VTCN1: variants seen among roughly 807,000 people sequenced by gnomAD.
VTCN1 encodes V-set domain-containing T-cell activation inhibitor 1.
In VTCN1, 26 loss-of-function variants were observed where a neutral mutation model predicts 26.5. The ratio of observed to expected loss-of-function variants is 0.98; its 90% confidence interval spans 0.72 to 1.36. VTCN1 has a LOEUF of 1.36. Among genes scored for constraint, VTCN1 ranks in the 40% most tolerant of loss-of-function variants. VTCN1 has a pLI of 0.00. For synonymous variants in VTCN1, 116 were observed against 130.7 expected (o/e 0.89, Z 0.77); for missense variants, 298 against 337.7 (o/e 0.88, Z 0.92).
In VTCN1 at chr1:117,183,945, G is replaced by T. The variant is rs1350316105; in HGVS notation, c.33-13774C>A. ...GGGCGCAATGGCTATGCATTCCAGG[G>T]ACCAAAAGCTTCTGTCTTCAGAGCC... On this transcript the variant is annotated intron_variant, in intron 1 of 5. Transcript: ENST00000369458. The surrounding 1 kb of genome is among the most constrained non-coding windows in gnomAD (Gnocchi z 4.1). Among the ~76,000 whole-genome samples, 3 of 152,034 alleles carry T rather than the reference G, an allele frequency of 2.0e-5. No individual in the cohort carries two copies. The South Asian group carries it at 6.2e-4, about 32-fold the overall frequency.
chr1:117,186,715 T>C (rs947088810), intron 1 of VTCN1, among the ~76,000 whole-genome samples: 4 of 152,124 alleles, frequency 2.6e-5, no homozygotes, highest in Admixed American at 2.0e-4. Context: ...CATGAAGCCA[T>C]GGGCACTGTA....
chr1:117,209,012 C>A (rs558552246), intron 1 of VTCN1, among the ~76,000 whole-genome samples: 14 of 152,176 alleles, frequency 9.2e-5, no homozygotes, highest in African/African-American at 3.4e-4. Flanking sequence ...CACCTGCATC[C>A]CTGAGATGAG....
At chr1:117,173,391 A>ACAT in intron 1 of VTCN1, 1 of 320,244 alleles carries the variant, frequency 3.1e-6, no homozygotes. Context: ...CACACACACA[A>ACAT]CACCATGTAA....
At position 117,147,362 on chromosome 1, in the gene VTCN1, C is replaced by T. The variant is rs900691745; in HGVS notation, c.*45+251G>A. 6.6e-6 allele frequency among the ~76,000 whole-genome samples: 1 copy of T among 152,122 alleles called. No homozygotes were observed. Among genetic ancestry groups the T allele is most frequent in the African/African-American group, 2.4e-5 (1 of 41,420 alleles). On this transcript the variant is annotated intron_variant, in intron 5 of 5. Coordinates refer to ENST00000369458, the MANE Select transcript of VTCN1 (RefSeq NM_024626.4). The surrounding 1 kb of genome is among the most constrained non-coding windows in gnomAD (Gnocchi z 4.6). ...TTTGCCTTCATTGATGACTGAGTAA[C>T]TTAAAAGGTATTTGAATTTACATAA...
intron 1 of VTCN1, among the ~76,000 whole-genome samples, chr1:117,202,894 G>A (rs1337059634): frequency 1.3e-5 from 2 of 152,192 alleles, no homozygotes; most frequent in Non-Finnish European, 2.9e-5. Flanking sequence ...AGAGAGATGG[G>A]GTGGGTAGCT....
intron 3 of VTCN1, among the ~76,000 whole-genome samples, chr1:117,154,783 C>CAAAAAAAAAAAAAAAAAAAAA (rs916361996): frequency 5.0e-5 from 2 of 39,896 alleles, no homozygotes; most frequent in Non-Finnish European, 1.1e-4. Context: ...AACTCCATCT[C>CAAAAAAAAAAAAAAAAAAAAA]AAAAAAAAAA....
At chr1:117,154,953 A>T (rs1570941402) in intron 3 of VTCN1, among the ~76,000 whole-genome samples, 1 of 152,128 alleles carries the variant, frequency 6.6e-6, no homozygotes, top group Non-Finnish European at 1.5e-5. Flanking sequence ...CCATGCTTTT[A>T]GTCATCATGT....
intron 4 of VTCN1, among the ~76,000 whole-genome samples, chr1:117,148,636 A>G (rs1406163627): frequency 6.6e-6 from 1 of 152,198 alleles, no homozygotes; most frequent in Non-Finnish European, 1.5e-5. Flanking sequence ...AAACATAATT[A>G]TTCAGTAAAT....
chr1:117,190,995 A>G (rs1648217202), intron 1 of VTCN1, among the ~76,000 whole-genome samples: 2 of 152,240 alleles, frequency 1.3e-5, no homozygotes, highest in Admixed American at 6.5e-5. Context: ...TGAGATGCAC[A>G]AAAGAACACA....
intron 1 of VTCN1, among the ~76,000 whole-genome samples, chr1:117,181,999 C>A (rs949478433): frequency 6.6e-6 from 1 of 152,130 alleles, no homozygotes; most frequent in Non-Finnish European, 1.5e-5. Flanking sequence ...CTTCAGGAAA[C>A]CTGTGCCTGT....
intron 1 of VTCN1, among the ~76,000 whole-genome samples, chr1:117,208,490 G>A (rs1401389968): frequency 6.6e-6 from 1 of 152,144 alleles, no homozygotes; most frequent in Admixed American, 6.5e-5. Context: ...CCTCCATTAG[G>A]TTATGACCTT....
rs1225909792 is a variant in VTCN1 at position 117,145,745 on chromosome 1, C to T, written c.*46-520G>A. 6.6e-6 allele frequency among the ~76,000 whole-genome samples: 1 copy of T among 152,160 alleles called. No individual in the cohort carries two copies. Among genetic ancestry groups the T allele is most frequent in the Non-Finnish European group, 1.5e-5 (1 of 68,034 alleles). ...ACCTCCTGGGCTCATGCAATCCTTC[C>T]ACCTCAGCCTCCTGAGTAGCTGGGA... is the stretch of plus-strand genomic sequence containing the variant. On this transcript the variant is annotated intron_variant, in intron 5 of 5. Transcript: ENST00000369458. This position sits in a 1 kb window ranked among gnomAD's most constrained non-coding sequence, Gnocchi z 4.6.
At chr1:117,204,632 C>T (rs376790960) in intron 1 of VTCN1, among the ~76,000 whole-genome samples, 56 of 152,036 alleles carry the variant, frequency 3.7e-4, no homozygotes, top group African/African-American at 1.3e-3. Flanking sequence ...TTTGGGAGGC[C>T]GAGGTGGGTG....
chr1:117,157,387 C>A (rs1006169531), intron 2 of VTCN1, among the ~76,000 whole-genome samples: 17 of 152,086 alleles, frequency 1.1e-4, no homozygotes, highest in Admixed American at 6.6e-5. Context: ...CTTACAGTTC[C>A]ACATGGCTGG....
chr1:117,162,747 C>T (rs867302), intron 2 of VTCN1, among the ~76,000 whole-genome samples: 12,046 of 152,142 alleles, frequency 0.079, 538 homozygotes, highest in African/African-American at 0.12. Flanking sequence ...AGGGGCAAGA[C>T]GAAACCTGAG....
intron 1 of VTCN1, among the ~76,000 whole-genome samples, chr1:117,179,209 C>T (rs73010042): frequency 0.055 from 8,436 of 152,228 alleles, 770 homozygotes; most frequent in African/African-American, 0.19. Context: ...GCATGTTTAG[C>T]AGCATTCCTG....
At position 117,169,103 on chromosome 1, in the gene VTCN1, T is replaced by A. The variant is rs148852124; in HGVS notation, c.97+1004A>T. On this transcript the variant is annotated intron_variant, in intron 2 of 5. Coordinates refer to ENST00000369458, the MANE Select transcript of VTCN1 (RefSeq NM_024626.4). This position sits in a 1 kb window ranked among gnomAD's most constrained non-coding sequence, Gnocchi z 4.0. ...GTCACAGACTGAGTTAAAATGAATG[T>A]GTTGGACTGAGTCAGGTGGTTTATG... 3.2e-4 allele frequency among the ~76,000 whole-genome samples: 49 copies of A among 152,288 alleles called. No individual in the cohort carries two copies. Among genetic ancestry groups the A allele is most frequent in the East Asian group, 2.1e-3 (11 of 5,186 alleles).
chr1:117,178,543 C>CCACCG (rs1647496979), intron 1 of VTCN1, among the ~76,000 whole-genome samples: 1 of 151,066 alleles, frequency 6.6e-6, no homozygotes, highest in Admixed American at 6.6e-5. Flanking sequence ...CAGGCGTGAG[C>CCACCG]CACTGCACCG....
rs192265986 is a variant in VTCN1, at chr1:117,197,317, C to T, written c.32+13507G>A. On this transcript the variant is annotated intron_variant, in intron 1 of 5. Transcript: ENST00000369458. Reference sequence around the variant, plus strand: ...AGAAGTAGCAATGTTCACACCCCTCCCCCTTCTCATTGCTCTCAGAGAACT... The same window carrying T: ...AGAAGTAGCAATGTTCACACCCCTCTCCCTTCTCATTGCTCTCAGAGAACT... Among the ~76,000 whole-genome samples the T allele has an allele frequency of 1.0e-3, 158 of 152,224 alleles. 2 individuals carry two copies. Among genetic ancestry groups the T allele is most frequent in the Non-Finnish European group, 4.4e-5 (3 of 68,012 alleles).
Sources: gnomAD v4.1 joint callset for allele counts (sites outside exome capture counted in the v4.1 genomes callset) on GRCh38, gnomAD v4.1.1 for gene constraint, Gnocchi (gnomAD v3.1) non-coding constraint, MANE v1.5 for transcripts, NCBI Gene and HGNC (gene_info 2026-07-23, HGNC 2026-07-21) for gene names.